Variants in ATP8B4 observed in about 807,000 individuals in gnomAD.
ATP8B4 encodes the protein probable phospholipid-transporting ATPase IM.
In ATP8B4, 133 loss-of-function variants were observed where a neutral mutation model predicts 145.6. That is an observed-to-expected ratio of 0.91 (90% CI 0.79 to 1.05). The LOEUF is 1.05. Among genes scored for constraint, ATP8B4 ranks in the 50% least tolerant of loss-of-function variants. ATP8B4 has a pLI of 0.00. For missense variants in ATP8B4, 1,458 were observed against 1,425.2 expected (o/e 1.02, Z -0.37); for synonymous variants, 507 against 492.9 (o/e 1.03, Z -0.38).
intron 2 of ATP8B4, 21 bp from the exon 3 acceptor site, chr15:50,074,206 T>A (rs775520365): frequency 1.3e-6 from 2 of 1,598,062 alleles, no homozygotes; most frequent in Non-Finnish European, 1.7e-6. Context: ...AGAAATCAAG[T>A]ATGAAATTAA....
At position 49,868,161 on chromosome 15, in the gene ATP8B4, T is replaced by C. The variant is rs892594252; in HGVS notation, c.3028-1677A>G. Among the ~76,000 whole-genome samples the C allele has an allele frequency of 2.6e-5, 4 of 152,070 alleles. No homozygotes were observed. In the South Asian group the frequency reaches 8.3e-4, roughly 31 times the overall value. On this transcript the variant is annotated intron_variant, in intron 25 of 27. Transcript: ENST00000284509. Reference sequence around the variant, plus strand: ...GTCCTTTAGGTCCTATCCAAAGTAATGAAAGAAGATTCTGGTGACATAATC... The same window carrying C: ...GTCCTTTAGGTCCTATCCAAAGTAACGAAAGAAGATTCTGGTGACATAATC...
intron 3 of ATP8B4, among the ~76,000 whole-genome samples, chr15:50,066,960 C>G (rs186930524): frequency 9.6e-4 from 146 of 152,270 alleles, no homozygotes; most frequent in African/African-American, 3.5e-3. Context: ...CTCCCTCTTT[C>G]CTGAGACGTT....
chr15:49,860,549 G>A, intron 27 of ATP8B4, 74 bp from the exon 28 acceptor site: 1 of 1,442,572 alleles, frequency 6.9e-7, no homozygotes, highest in Non-Finnish European at 9.2e-7. Context: ...ACTTTGTAAA[G>A]TGAAAGCCTT....
At chr15:50,018,336 T>C (rs887864591) in intron 6 of ATP8B4, among the ~76,000 whole-genome samples, 1 of 152,164 alleles carries the variant, frequency 6.6e-6, no homozygotes, top group African/African-American at 2.4e-5. Flanking sequence ...ATCATCACCC[T>C]GCATTAATGA....
chr15:50,101,143 A>G (rs1167619427), intron 2 of ATP8B4, among the ~76,000 whole-genome samples: 2 of 152,192 alleles, frequency 1.3e-5, no homozygotes, highest in Non-Finnish European at 2.9e-5. Flanking sequence ...AAAAATTAAA[A>G]CCAATTCCAA....
intron 23 of ATP8B4, among the ~76,000 whole-genome samples, chr15:49,892,126 A>T (rs979105384): frequency 6.6e-6 from 1 of 152,066 alleles, no homozygotes; most frequent in Non-Finnish European, 1.5e-5. Flanking sequence ...AAAAAAAAAA[A>T]AAAATCTTAA....
chr15:50,091,263 G>A (rs952907301), intron 2 of ATP8B4, among the ~76,000 whole-genome samples: 1 of 152,138 alleles, frequency 6.6e-6, no homozygotes, highest in African/African-American at 2.4e-5. Flanking sequence ...GCCTAATACA[G>A]TGACAGATAA....
In ATP8B4 at chr15:50,164,989, G is replaced by A. The variant is rs185299508; in HGVS notation, c.-43+17272C>T. ...TGCCAGGGTATTTGGGAAGGGTTGTGTAGGCAATTCAAGAGTTTCAAGAGT... is the reference window on the plus strand; with the variant it reads ...TGCCAGGGTATTTGGGAAGGGTTGTATAGGCAATTCAAGAGTTTCAAGAGT... On this transcript the variant is annotated intron_variant, in intron 1 of 3. Transcript: ENST00000558829. 7.2e-5 allele frequency among the ~76,000 whole-genome samples: 11 copies of A among 152,284 alleles called. No individual in the cohort carries two copies. In the East Asian group the frequency reaches 2.1e-3, roughly 29 times the overall value.
At chr15:50,048,698 ACT>A (rs1367599992) in intron 3 of ATP8B4, among the ~76,000 whole-genome samples, 8 of 147,346 alleles carry the variant, frequency 5.4e-5, no homozygotes, top group Non-Finnish European at 1.2e-4. Context: ...ATGGAGCAAG[ACT>A]CTGCCAAAAA....
At chr15:49,906,391 T>C (rs971074122) in intron 20 of ATP8B4, among the ~76,000 whole-genome samples, 1 of 152,226 alleles carries the variant, frequency 6.6e-6, no homozygotes, top group African/African-American at 2.4e-5. Flanking sequence ...GTAGTTCACA[T>C]TTCTCCATAT....
At chr15:49,862,459 CTTT>C (rs751951310) in intron 26 of ATP8B4, 84 bp from the exon 27 acceptor site, 22 of 1,144,786 alleles carry the variant, frequency 1.9e-5, no homozygotes, top group African/African-American at 3.2e-5. Flanking sequence ...CCTACAAGAT[CTTT>C]TTTTTTTTTG....
At chr15:49,861,554 TC>T (rs1391569673) in intron 27 of ATP8B4, among the ~76,000 whole-genome samples, 14 of 151,970 alleles carry the variant, frequency 9.2e-5, no homozygotes, top group Non-Finnish European at 1.9e-4. Flanking sequence ...AGCAGCATGT[TC>T]CCCCTTCTCA....
At chr15:50,013,748 A>G (rs996214659) in intron 6 of ATP8B4, among the ~76,000 whole-genome samples, 1 of 152,188 alleles carries the variant, frequency 6.6e-6, no homozygotes, top group African/African-American at 2.4e-5. Context: ...TTTTAAAAAT[A>G]TGCCACTATA....
At chr15:50,154,851 G>T (rs7179848) in intron 1 of ATP8B4, among the ~76,000 whole-genome samples, 85,852 of 151,862 alleles carry the variant, frequency 0.57, 24,922 homozygotes, top group East Asian at 0.93. Context: ...ACTTTTGTAT[G>T]TTTTGGTAGA....
At chr15:49,899,535 T>C (rs962154294) in intron 21 of ATP8B4, among the ~76,000 whole-genome samples, 1 of 152,186 alleles carries the variant, frequency 6.6e-6, no homozygotes, top group Non-Finnish European at 1.5e-5. Flanking sequence ...TTCAAACCTA[T>C]AATTCCTAGG....
intron 8 of ATP8B4, among the ~76,000 whole-genome samples, chr15:49,998,764 T>G (rs2047638499): frequency 6.6e-6 from 1 of 152,242 alleles, no homozygotes; most frequent in Non-Finnish European, 1.5e-5. Context: ...TTTGTCAATT[T>G]TGGCTTTTGT....
intron 10 of ATP8B4, among the ~76,000 whole-genome samples, chr15:49,984,761 G>A (rs1261558808): frequency 6.6e-6 from 1 of 151,864 alleles, no homozygotes; most frequent in Non-Finnish European, 1.5e-5. Context: ...AGCCTCCTAG[G>A]GCAGAAAGAA....
Position 49,923,399 on chromosome 15 carries a change from A to T in ATP8B4, c.1738T>A (p.Leu580Met). 1 of 1,612,242 alleles carries T rather than the reference A, an allele frequency of 6.2e-7. No homozygotes were observed. Among genetic ancestry groups the T allele is most frequent in the Non-Finnish European group, 8.5e-7 (1 of 1,178,394 alleles). ...LHPSNEVLLSLTSDHLSEFAG... is the reference protein window; with the variant it reads ...LHPSNEVLLSMTSDHLSEFAG... Reference sequence around the variant, plus strand: ...CTTACACTGAGGTGGTCTGACGTCAAAGACAAAAGGACTTCATTGGAAGGA... The same window carrying T: ...CTTACACTGAGGTGGTCTGACGTCATAGACAAAAGGACTTCATTGGAAGGA... Residue 580 changes from leucine (L) to methionine (M), a missense_variant, in exon 17 of 28, where the codon TTG becomes ATG. Coordinates refer to ENST00000284509, the MANE Select transcript of ATP8B4 (RefSeq NM_024837.4).
chr15:49,979,459 G>A, intron 12 of ATP8B4, 158 bp downstream of exon 12: 1 of 502,338 alleles, frequency 2.0e-6, no homozygotes. Flanking sequence ...AAAGTTAACA[G>A]ATTAAACAGC....
Sources: gnomAD v4.1 joint callset for allele counts (sites outside exome capture counted in the v4.1 genomes callset) on GRCh38, gnomAD v4.1.1 for gene constraint, MANE v1.5 for transcripts, NCBI Gene and HGNC (gene_info 2026-07-23, HGNC 2026-07-21) for gene names.